SLC4A8: variants seen among roughly 807,000 people sequenced by gnomAD.
The protein encoded by SLC4A8 is electroneutral sodium bicarbonate exchanger 1.
A neutral mutation model predicts 125.0 loss-of-function variants in SLC4A8; 40 were observed. That is an observed-to-expected ratio of 0.32 (90% CI 0.25 to 0.42). The LOEUF is 0.42. Among genes scored for constraint, SLC4A8 ranks in the 10% least tolerant of loss-of-function variants. The pLI, the probability that SLC4A8 is intolerant of heterozygous loss-of-function variation, is 1.00. For missense variants in SLC4A8, 863 were observed against 1,355.1 expected (o/e 0.64, Z 5.70); for synonymous variants, 456 against 476.0 (o/e 0.96, Z 0.55).
intron 20 of SLC4A8, 36 bp downstream of exon 20, chr12:51,493,808 C>T (rs1951385220): frequency 7.4e-7 from 1 of 1,351,070 alleles, no homozygotes; most frequent in Non-Finnish European, 1.1e-6. Flanking sequence ...TTTCTTCTCA[C>T]TGCAAGTTTG....
intron 1 of SLC4A8, among the ~76,000 whole-genome samples, chr12:51,433,880 G>GT (rs1565772475): frequency 7.0e-5 from 5 of 71,728 alleles, no homozygotes; most frequent in East Asian, 3.7e-4. Context: ...TTTTTTTTTG[G>GT]TTGGTTTTTT....
intron 15 of SLC4A8, 33 bp from the exon 16 acceptor site, chr12:51,475,012 G>T: frequency 6.2e-7 from 1 of 1,601,470 alleles, no homozygotes; most frequent in Non-Finnish European, 8.5e-7. Flanking sequence ...GGTTGTGTCT[G>T]CCTTTCATCA....
chr12:51,434,036 A>G (rs1222581677), intron 1 of SLC4A8, among the ~76,000 whole-genome samples: 1 of 151,784 alleles, frequency 6.6e-6, no homozygotes, highest in East Asian at 1.9e-4. Context: ...CACCACACCC[A>G]GCTAATTTTT....
chr12:51,451,876 T>C (rs556071123), intron 3 of SLC4A8, among the ~76,000 whole-genome samples: 3 of 152,254 alleles, frequency 2.0e-5, no homozygotes, highest in South Asian at 4.1e-4. Context: ...AATTAGCCAA[T>C]CTTTTTGATC....
chr12:51,476,910 T>C (rs1267754093), intron 16 of SLC4A8, among the ~76,000 whole-genome samples: 1 of 149,514 alleles, frequency 6.7e-6, no homozygotes, highest in Non-Finnish European at 1.5e-5. Context: ...TCTTTTCTTT[T>C]TTTTTTTTTT....
At chr12:51,465,875 A>T (rs1950497469) in intron 11 of SLC4A8, among the ~76,000 whole-genome samples, 2 of 152,148 alleles carry the variant, frequency 1.3e-5, no homozygotes, top group African/African-American at 4.8e-5. Context: ...TTGTATATGG[A>T]CATCCTATAA....
At chr12:51,457,723 G>A (rs1012925903) in intron 6 of SLC4A8, among the ~76,000 whole-genome samples, 184 bp downstream of exon 6, 4 of 152,064 alleles carry the variant, frequency 2.6e-5, no homozygotes, top group Non-Finnish European at 4.4e-5. Flanking sequence ...TCTCTCTCAC[G>A]GCATTCCTCA....
intron 4 of SLC4A8, 80 bp downstream of exon 4, chr12:51,452,339 G>GTCA: frequency 6.7e-7 from 1 of 1,493,748 alleles, no homozygotes; most frequent in Non-Finnish European, 9.3e-7. Context: ...AGGCCTGCCT[G>GTCA]CCTTATTTCT....
chr12:51,503,244 A>G (rs1159505772), intron 22 of SLC4A8, among the ~76,000 whole-genome samples: 2 of 142,274 alleles, frequency 1.4e-5, no homozygotes, highest in Admixed American at 1.4e-4. Flanking sequence ...TTTTTTTTTG[A>G]GACGGAGTCT....
Position 51,504,052 on chromosome 12 carries a change from TG to T in SLC4A8, c.3110del (p.Gly1037GlufsTer6). On this transcript the variant is annotated frameshift_variant, in exon 23 of 25. Coordinates refer to ENST00000453097, the MANE Select transcript of SLC4A8 (RefSeq NM_001039960.3). LOFTEE classifies it high-confidence loss of function. Reference protein sequence around the residue: ...EEEAEKMLEIGGDKFPLESRK... With the variant: ...EEEAEKMLEIXGDKFPLESRK... ...AGGAGGCTGAGAAAATGTTAGAAAT[TG>T]GGGGAGACAAGTTTCCCTTAGAGAG... 6.3e-7 allele frequency: 1 copy of T among 1,584,754 alleles called. No homozygotes were observed. The highest frequency in any genetic ancestry group is 1.8e-5 in the Admixed American group (1 of 56,486).
chr12:51,424,803 C>T, upstream of SLC4A8: 2 of 604,804 alleles, frequency 3.3e-6, no homozygotes, highest in African/African-American at 1.9e-5. Context: ...GCGCAGGCCT[C>T]TCGCTGATTG....
chr12:51,483,854 C>T (rs1012025381), intron 16 of SLC4A8, among the ~76,000 whole-genome samples: 1 of 152,042 alleles, frequency 6.6e-6, no homozygotes. Flanking sequence ...TCATCATTTA[C>T]ATTAGGTATA....
intron 22 of SLC4A8, among the ~76,000 whole-genome samples, chr12:51,499,672 G>GGTAGTGAT (rs1196567292): frequency 8.7e-5 from 12 of 137,706 alleles, no homozygotes; most frequent in Non-Finnish European, 1.5e-4. Flanking sequence ...TATAATTTTA[G>GGTAGTGAT]GTAGTGATAT....
chr12:51,400,770 AT>A (rs1948365803), intron 1 of SLC4A8, among the ~76,000 whole-genome samples: 1 of 3,534 alleles, frequency 2.8e-4, no homozygotes, highest in Non-Finnish European at 5.2e-4. Flanking sequence ...ATATATATAT[AT>A]ATATATACAT....
intron 9 of SLC4A8, 112 bp downstream of exon 9, chr12:51,461,403 C>A: frequency 1.5e-6 from 1 of 689,338 alleles, no homozygotes; most frequent in Non-Finnish European, 2.6e-6. Flanking sequence ...ATTGCAATAT[C>A]TGCTGGGAAG....
At chr12:51,414,758 G>T (rs1948653683) in intron 1 of SLC4A8, among the ~76,000 whole-genome samples, 1 of 152,150 alleles carries the variant, frequency 6.6e-6, no homozygotes, top group African/African-American at 2.4e-5. Flanking sequence ...TAGAGAAAAG[G>T]CTTTCAGCTT....
In SLC4A8 at chr12:51,514,583, C is replaced by A. The variant is rs896390416; in HGVS notation, c.*7145C>A. ...AAAGGGGACTTTATGGTCATTTCCCCTGTTTAGGGTGAGGGACTAAGAATT... is the reference window on the plus strand; with the variant it reads ...AAAGGGGACTTTATGGTCATTTCCCATGTTTAGGGTGAGGGACTAAGAATT... On this transcript the variant is annotated 3_prime_UTR_variant, in exon 25 of 25. Coordinates refer to ENST00000453097, the MANE Select transcript of SLC4A8 (RefSeq NM_001039960.3). The A allele has an allele frequency of 6.6e-6, 1 of 152,134 alleles. No homozygotes were observed. Among genetic ancestry groups the A allele is most frequent in the African/African-American group, 2.4e-5 (1 of 41,432 alleles). The allele number at this position is 152,134 out of a possible 1,614,324, so 9.4% of individuals were successfully genotyped here.
chr12:51,440,319 G>A (rs1949553098), intron 1 of SLC4A8, among the ~76,000 whole-genome samples: 1 of 152,042 alleles, frequency 6.6e-6, no homozygotes, highest in South Asian at 2.1e-4. Flanking sequence ...GGAGGCTGAG[G>A]TAGGAGAATT....
In SLC4A8 at chr12:51,495,402, G is replaced by A. The variant is rs145297390; in HGVS notation, c.2943+284G>A. On this transcript the variant is annotated intron_variant, in intron 21 of 24. Coordinates refer to ENST00000453097, the MANE Select transcript of SLC4A8 (RefSeq NM_001039960.3). ...TCTATGTATTGATTATTCTAGGTAC[G>A]TCATATAAGTGAATCACAGAATTTG... 2.2e-3 allele frequency among the ~76,000 whole-genome samples: 324 copies of A among 150,530 alleles called. 2 individuals are homozygous for A. Among genetic ancestry groups the A allele is most frequent in the Non-Finnish European group, 3.9e-3 (265 of 67,812 alleles).
Sources: gnomAD v4.1 joint callset for allele counts (sites outside exome capture counted in the v4.1 genomes callset) on GRCh38, gnomAD v4.1.1 for gene constraint, MANE v1.5 for transcripts, NCBI Gene and HGNC (gene_info 2026-07-23, HGNC 2026-07-21) for gene names.